Variants in VRTN observed in about 807,000 individuals in gnomAD.
VRTN encodes vertebrae development associated.
VRTN carries 5 observed loss-of-function variants against 18.2 expected under a neutral mutation model. That is an observed-to-expected ratio of 0.27 (90% CI 0.14 to 0.58). VRTN has a LOEUF of 0.58. Ranked by LOEUF, VRTN falls within the 20% of genes least tolerant of loss-of-function variation. VRTN has a pLI of 0.91. For synonymous variants in VRTN, 381 were observed against 393.7 expected (o/e 0.97, Z 0.38); for missense variants, 741 against 939.4 (o/e 0.79, Z 2.76).
Position 74,313,094 on chromosome 14 carries a change from A to G in VRTN, c.-164+9918A>G, listed in dbSNP as rs548808239. The stretch of plus-strand genomic sequence containing the variant: ...ACAATAAATTTTTTTCAGAGATTAT[A>G]CCCTAAAAGAGAAGCAATCATTTTA... On this transcript the variant is annotated intron_variant, in intron 1 of 2. Transcript: ENST00000557177. Among the ~76,000 whole-genome samples the G allele has an allele frequency of 2.0e-5, 3 of 152,250 alleles. No homozygotes were observed. The South Asian group carries it at 6.2e-4, about 32-fold the overall frequency.
At chr14:74,306,525 C>A in intron 1 of VRTN, 1 of 151,502 alleles carries the variant, frequency 6.6e-6, no homozygotes. Context: ...GTTAAGAAAA[C>A]TGTGAAATTC....
chr14:74,320,031 T>G (rs1446851968), intron 1 of VRTN, among the ~76,000 whole-genome samples: 1 of 152,092 alleles, frequency 6.6e-6, no homozygotes, highest in Non-Finnish European at 1.5e-5. Context: ...GGAGGATTGC[T>G]TGAGACCAGC....
At chr14:74,356,508 T>C (rs2085728423) in intron 1 of VRTN, among the ~76,000 whole-genome samples, 2 of 152,156 alleles carry the variant, frequency 1.3e-5, no homozygotes, top group Admixed American at 1.3e-4. Context: ...TAACACACCA[T>C]TCCCATTTTA....
chr14:74,355,328 ACTTT>A lies in VRTN; in HGVS notation c.-1-1449_-1-1446del, dbSNP rs1001284578. The stretch of plus-strand genomic sequence containing the variant: ...AATCTGAATGACCAGTGTCTATTAG[ACTTT>A]CTTTCAAGTAAAAATTGTATATCAT... On this transcript the variant is annotated intron_variant, in intron 1 of 1. Coordinates refer to ENST00000256362, the MANE Select transcript of VRTN (RefSeq NM_018228.3). Among the ~76,000 whole-genome samples the A allele has an allele frequency of 2.6e-5, 4 of 152,176 alleles. No homozygotes were observed. The East Asian group carries it at 7.7e-4, about 29-fold the overall frequency.
At chr14:74,324,732 A>G (rs1430480578) in intron 1 of VRTN, among the ~76,000 whole-genome samples, 1 of 136,826 alleles carries the variant, frequency 7.3e-6, no homozygotes, top group Non-Finnish European at 1.5e-5. Flanking sequence ...TACCAAAAAT[A>G]CAAAAATTAG....
intron 2 of VRTN, among the ~76,000 whole-genome samples, chr14:74,341,085 T>C (rs1567043274): frequency 6.6e-6 from 1 of 152,204 alleles, no homozygotes; most frequent in Non-Finnish European, 1.5e-5. Flanking sequence ...AATGAATTAA[T>C]TGATGGGACA....
intron 1 of VRTN, among the ~76,000 whole-genome samples, chr14:74,303,675 A>G (rs1951561405): frequency 1.3e-5 from 2 of 152,132 alleles, no homozygotes; most frequent in Admixed American, 6.5e-5. Flanking sequence ...AAACCCAAAC[A>G]GCATGATCCC....
At chr14:74,356,303 C>A (rs2085726957) in intron 1 of VRTN, among the ~76,000 whole-genome samples, 2 of 152,096 alleles carry the variant, frequency 1.3e-5, no homozygotes. Flanking sequence ...TCTGCCCTAG[C>A]CTCCAGAGTA....
At chr14:74,346,374 T>C (rs1254574968), upstream of VRTN, among the ~76,000 whole-genome samples, 4 of 152,180 alleles carry the variant, frequency 2.6e-5, no homozygotes, top group South Asian at 8.3e-4. Context: ...GGAGAATGTG[T>C]TGGGTGTGGA....
At chr14:74,348,226 TC>T (rs2085656293), upstream of VRTN, among the ~76,000 whole-genome samples, 3 of 151,970 alleles carry the variant, frequency 2.0e-5, no homozygotes, top group South Asian at 6.2e-4. Context: ...TTCCCTCCCC[TC>T]CCCCCAAACT....
At chr14:74,339,837 G>T (rs2085589034) in intron 2 of VRTN, among the ~76,000 whole-genome samples, 2 of 152,126 alleles carry the variant, frequency 1.3e-5, no homozygotes, top group African/African-American at 4.8e-5. Context: ...AAAGAAGCTA[G>T]GAGAACATGT....
Position 74,357,419 on chromosome 14 carries a change from C to T in VRTN, c.636C>T (p.Asp212=), listed in dbSNP as rs1237404022. 1.2e-6 allele frequency: 2 copies of T among 1,612,888 alleles called. No individual in the cohort carries two copies. The highest frequency in any genetic ancestry group is 2.2e-5 in the East Asian group (1 of 44,864). The part of the protein sequence containing the change: ...FNRVIRPRRC[D]HVPSTLHIMW... Reference sequence around the variant, plus strand: ...GTGTCATCCGGCCCCGCCGCTGCGACCACGTGCCCTCCACGCTGCACATCA... The same window carrying T: ...GTGTCATCCGGCCCCGCCGCTGCGATCACGTGCCCTCCACGCTGCACATCA... Residue 212 remains aspartate (D), a synonymous_variant, in exon 2 of 2, where the codon GAC becomes GAT. Coordinates refer to ENST00000256362, the MANE Select transcript of VRTN (RefSeq NM_018228.3). The surrounding 1 kb of genome is among the most constrained non-coding windows in gnomAD (Gnocchi z 7.8).
intron 1 of VRTN, among the ~76,000 whole-genome samples, chr14:74,304,986 G>A (rs918019505): frequency 3.9e-5 from 6 of 152,004 alleles, no homozygotes; most frequent in African/African-American, 7.2e-5. Flanking sequence ...TTTGGTATTC[G>A]GTGGCATTAC....
intron 1 of VRTN, among the ~76,000 whole-genome samples, chr14:74,321,891 A>C (rs2085458148): frequency 1.3e-5 from 2 of 151,844 alleles, no homozygotes; most frequent in Admixed American, 1.3e-4. Context: ...CACAGGCTGC[A>C]GTGCAGTGGT....
chr14:74,323,594 A>C (rs1163558018), intron 1 of VRTN, among the ~76,000 whole-genome samples: 4 of 151,732 alleles, frequency 2.6e-5, no homozygotes, highest in Non-Finnish European at 5.9e-5. Flanking sequence ...AAAAAAAAAA[A>C]CCAAACCAAC....
chr14:74,337,037 G>C (rs1300690079), intron 1 of VRTN, among the ~76,000 whole-genome samples: 1 of 152,084 alleles, frequency 6.6e-6, no homozygotes, highest in Non-Finnish European at 1.5e-5. Flanking sequence ...TTTTGTATCT[G>C]TTTGTACTGA....
At chr14:74,342,528 TATATACACAC>T (rs1356758663) in intron 2 of VRTN, among the ~76,000 whole-genome samples, 5 of 152,078 alleles carry the variant, frequency 3.3e-5, no homozygotes, top group African/African-American at 4.8e-5. Context: ...TGTGTACATA[TATATACACAC>T]ATATACACAC....
chr14:74,308,870 T>G lies in VRTN; in HGVS notation c.-164+5694T>G, dbSNP rs8016974. Reference sequence around the variant, plus strand: ...CTATTGCTCCAACTTCTGTTTGTTTTTTTTTTTTTTTTGAGACAGTCTTGC... The same window carrying G: ...CTATTGCTCCAACTTCTGTTTGTTTGTTTTTTTTTTTTGAGACAGTCTTGC... On this transcript the variant is annotated intron_variant, in intron 1 of 2. Transcript: ENST00000557177. Among the ~76,000 whole-genome samples the G allele has an allele frequency of 0.016, 1,058 of 66,992 alleles. 24 individuals are homozygous for G. The East Asian group carries it at 0.18, about 11-fold the overall frequency. 43.9% of individuals were successfully genotyped at this position (66,992 alleles called of 152,430 possible). A position where few individuals can be genotyped will look rare whatever the true frequency, so the allele number is the denominator to read the frequency against.
chr14:74,330,462 A>G (rs926228602), intron 1 of VRTN, among the ~76,000 whole-genome samples: 1 of 140,068 alleles, frequency 7.1e-6, no homozygotes, highest in African/African-American at 2.7e-5. Context: ...TTTTTTTGAG[A>G]CAGAGTTTCG....
Sources: allele counts gnomAD v4.1 joint callset (sites outside exome capture counted in the v4.1 genomes callset), GRCh38; gene constraint gnomAD v4.1.1; non-coding constraint Gnocchi (gnomAD v3.1); transcripts MANE v1.5; gene names NCBI Gene and HGNC (gene_info 2026-07-23, HGNC 2026-07-21).